SATB1: variants seen among roughly 807,000 people sequenced by gnomAD.
SATB1 encodes SATB homeobox 1.
SATB1 carries 11 observed loss-of-function variants against 86.9 expected under a neutral mutation model. That is an observed-to-expected ratio of 0.13 (90% CI 0.08 to 0.21). The LOEUF (loss-of-function observed/expected upper bound fraction) is 0.21. Ranked by LOEUF, SATB1 falls within the 10% of genes least tolerant of loss-of-function variation. The pLI is 1.00. For synonymous variants in SATB1, 357 were observed against 357.2 expected, an observed-to-expected ratio of 1.00 and a Z score of 0.01; for missense variants, 551 against 937.6, an observed-to-expected ratio of 0.59 and a Z score of 5.39.
Position 18,432,766 on chromosome 3 carries a change from G to A in SATB1, c.-25+4023C>T, listed in dbSNP as rs565908265. ...TACACCTAGAAACAGTCAAAATGGC[G>A]TATTTTTTAACACATATTTTACCAT... is the stretch of plus-strand genomic sequence containing the variant. On this transcript the variant is annotated intron_variant, in intron 2 of 3. Transcript: ENST00000414509. Among the ~76,000 whole-genome samples, 68 of 148,630 alleles carry A rather than the reference G, an allele frequency of 4.6e-4. No individual in the cohort carries two copies. The South Asian group carries it at 0.014, about 30-fold the overall frequency.
chr3:18,441,572 G>A (rs1204908904), upstream of SATB1, among the ~76,000 whole-genome samples: 1 of 152,158 alleles, frequency 6.6e-6, no homozygotes. Flanking sequence ...AAGAAACTAT[G>A]TGTGTAAAGG....
chr3:18,388,864 A>AT (rs1367106554), intron 7 of SATB1, among the ~76,000 whole-genome samples: 1 of 152,180 alleles, frequency 6.6e-6, no homozygotes, highest in Non-Finnish European at 1.5e-5. Flanking sequence ...ACTATATCAC[A>AT]TATTTCTATC....
intron 9 of SATB1, among the ~76,000 whole-genome samples, chr3:18,374,996 T>C (rs142887461): frequency 6.6e-6 from 1 of 152,148 alleles, no homozygotes; most frequent in African/African-American, 2.4e-5. Context: ...TGGATCAGAG[T>C]TGGCCTCCTT....
chr3:18,403,840 T>C (rs1331068688), intron 5 of SATB1, among the ~76,000 whole-genome samples: 1 of 152,074 alleles, frequency 6.6e-6, no homozygotes, highest in Non-Finnish European at 1.5e-5. Context: ...GTCAAACTAC[T>C]GGCTTTTATT....
At position 18,349,553 on chromosome 3, in the gene SATB1, A is replaced by C; in HGVS notation, c.1909T>G (p.Ser637Ala). Residue 637 changes from serine to alanine, a missense_variant, in exon 11 of 11, where the codon TCA (serine) becomes GCA (alanine). By Grantham distance (99) the Ser-to-Ala change is moderately conservative (BLOSUM62 1). This residue lies in a region of SATB1 where 87 missense variants were observed against 103.6 expected (regional missense o/e 0.84). Transcript: ENST00000338745. The surrounding 1 kb of genome is among the most constrained non-coding windows in gnomAD (Gnocchi z 5.5). ...GTCTTCTGTCGGTTTTCCTCATCTG[A>C]CTCTGCTGGAGAGGCCACCGTGGGT... The part of the protein sequence containing the change: ...RQPTVASPAE[S>A]DEENRQKTRP... The C allele has an allele frequency of 1.2e-6, 2 of 1,613,318 alleles. No homozygotes were observed. The highest frequency in any genetic ancestry group is 1.7e-6 in the Non-Finnish European group (2 of 1,179,826).
Position 18,347,476 on chromosome 3 carries a change from C to G in SATB1, c.*1694G>C, listed in dbSNP as rs1049189144. 1.3e-5 allele frequency: 2 copies of G among 151,378 alleles called. No individual in the cohort carries two copies. Among genetic ancestry groups the G allele is most frequent in the East Asian group, 1.9e-4 (1 of 5,180 alleles). The allele number at this position is 151,378 out of a possible 1,614,324, so 9.4% of individuals were successfully genotyped here. On this transcript the variant is annotated 3_prime_UTR_variant, in exon 11 of 11. Transcript: ENST00000338745. ...TTACGAGCTCAGTTATTAACTTATTCCACTTATAACTTGTGAAAAAAAAAA... is the reference window on the plus strand; with the variant it reads ...TTACGAGCTCAGTTATTAACTTATTGCACTTATAACTTGTGAAAAAAAAAA...
chr3:18,431,325 AGTT>A lies in SATB1; in HGVS notation c.-25+5461_-25+5463del, dbSNP rs375697327. ...CAGTCCGAAGCCTTCTCCAGTTGTT[AGTT>A]ATTTCCTTCTCCATGCTCCATCACA... is the stretch of plus-strand genomic sequence containing the variant. On this transcript the variant is annotated intron_variant, in intron 2 of 3. Transcript: ENST00000414509. Among the ~76,000 whole-genome samples the A allele has an allele frequency of 1.5e-3, 224 of 152,216 alleles. 1 individual carries two copies. Among genetic ancestry groups the A allele is most frequent in the African/African-American group, 5.1e-3 (213 of 41,538 alleles).
upstream of SATB1, among the ~76,000 whole-genome samples, chr3:18,439,212 A>C (rs1699167662): frequency 2.0e-5 from 3 of 152,324 alleles, no homozygotes; most frequent in South Asian, 6.2e-4. Context: ...AAACTACATC[A>C]CCGCATAAAC....
intron 6 of SATB1, among the ~76,000 whole-genome samples, chr3:18,395,348 T>A (rs765567070): frequency 2.6e-5 from 4 of 152,152 alleles, no homozygotes; most frequent in African/African-American, 4.8e-5. Context: ...TAAAAAAATT[T>A]ACAAATATAT....
At chr3:18,431,573 G>A (rs1698892517) in intron 2 of SATB1, among the ~76,000 whole-genome samples, 1 of 152,198 alleles carries the variant, frequency 6.6e-6, no homozygotes, top group African/African-American at 2.4e-5. Context: ...AAGACATTCA[G>A]TTTTTTAAAG....
In SATB1 at chr3:18,444,477, C is replaced by T; in HGVS notation, c.-25+1041G>A. ...AAGCCCTGCGCCCACGAGAGGGGAG[C>T]CCAGCCGCCCCAATAGGGGACGAGG... On this transcript the variant is annotated intron_variant, in intron 1 of 3. Coordinates refer to the SATB1 transcript ENST00000415069. The surrounding 1 kb of genome is among the most constrained non-coding windows in gnomAD (Gnocchi z 5.1). The T allele has an allele frequency of 1.6e-6, 1 of 614,566 alleles. No individual in the cohort carries two copies. The highest frequency in any genetic ancestry group is 7.1e-5 in the South Asian group (1 of 14,090). The allele number at this position is 614,566 out of a possible 1,614,324, so 38.1% of individuals were successfully genotyped here.
rs114156706 is a variant in SATB1 at position 18,374,815 on chromosome 3, G to C, written c.1575+3355C>G. Among the ~76,000 whole-genome samples, 501 of 152,276 alleles carry C rather than the reference G, an allele frequency of 3.3e-3. 4 individuals are homozygous for C. Among genetic ancestry groups the C allele is most frequent in the African/African-American group, 0.012 (481 of 41,564 alleles). On this transcript the variant is annotated intron_variant, in intron 9 of 10. Coordinates refer to ENST00000338745, the MANE Select transcript of SATB1 (RefSeq NM_002971.6). ...ACCTGATAAATAAATCTCTATCCAT[G>C]TGGAGGACTGAACCTCTTGCTTAGC...
At chr3:18,404,255 A>G (rs1697409666) in intron 5 of SATB1, among the ~76,000 whole-genome samples, 1 of 152,046 alleles carries the variant, frequency 6.6e-6, no homozygotes, top group African/African-American at 2.4e-5. Flanking sequence ...TGTGCTTGTC[A>G]GCTTCTGTTT....
In SATB1 at chr3:18,348,990, A is replaced by T. The variant is rs1248649833; in HGVS notation, c.*180T>A. The T allele has an allele frequency of 1.3e-5, 14 of 1,053,834 alleles. No individual in the cohort carries two copies. The highest frequency in any genetic ancestry group is 3.0e-5 in the Admixed American group (1 of 33,548). The allele number at this position is 1,053,834 out of a possible 1,614,324, so 65.3% of individuals were successfully genotyped here. ...GGGGCTGCCAAGCAGTTTGTAAAAC[A>T]GAGGAAAACATTTAGTGCAGTCTGT... On this transcript the variant is annotated 3_prime_UTR_variant, in exon 11 of 11. Transcript: ENST00000338745.
In SATB1 at chr3:18,386,718, G is replaced by C; in HGVS notation, c.1207-107C>G. The C allele has an allele frequency of 2.4e-6, 2 of 846,722 alleles. No homozygotes were observed. Among genetic ancestry groups the C allele is most frequent in the Admixed American group, 4.2e-5 (2 of 47,896 alleles). The allele number at this position is 846,722 out of a possible 1,614,324, so 52.5% of individuals were successfully genotyped here. On this transcript the variant is annotated intron_variant, in intron 7 of 10. Transcript: ENST00000338745. This position sits in a 1 kb window ranked among gnomAD's most constrained non-coding sequence, Gnocchi z 4.5. ...TCTGTTTAGAAAATGAACAGTCAGA[G>C]GCATTAATTCTGCATAGGAATATAT...
chr3:18,377,489 A>G (rs1332059221), intron 9 of SATB1, among the ~76,000 whole-genome samples: 2 of 152,242 alleles, frequency 1.3e-5, no homozygotes, highest in Non-Finnish European at 2.9e-5. Flanking sequence ...TTATGCTGAT[A>G]AAAGACTATA....
At chr3:18,414,897 C>A in intron 5 of SATB1, 1 of 501,988 alleles carries the variant, frequency 2.0e-6, no homozygotes, top group Non-Finnish European at 3.5e-6. Flanking sequence ...TGTAAACAGT[C>A]CTTTGCCTCT....
intron 1 of SATB1, chr3:18,445,172 C>G: frequency 2.1e-6 from 2 of 946,212 alleles, no homozygotes; most frequent in Non-Finnish European, 2.5e-6. Context: ...GCCAGCGGGG[C>G]GGCCAGGGCC....
intron 7 of SATB1, among the ~76,000 whole-genome samples, chr3:18,393,098 T>C (rs934044879): frequency 1.3e-5 from 2 of 152,052 alleles, no homozygotes; most frequent in Non-Finnish European, 2.9e-5. Context: ...CTCCTAGGTA[T>C]GGAAACTCTG....
Sources: gnomAD v4.1 joint callset for allele counts (sites outside exome capture counted in the v4.1 genomes callset) on GRCh38, gnomAD v4.1.1 for gene constraint, gnomAD v4.1.1 regional missense constraint, Gnocchi (gnomAD v3.1) non-coding constraint, MANE v1.5 for transcripts, NCBI Gene and HGNC (gene_info 2026-07-23, HGNC 2026-07-21) for gene names.